ZBTB16: variants seen among roughly 807,000 people sequenced by gnomAD.
ZBTB16 encodes the protein zinc finger and BTB domain containing 16.
ZBTB16 carries 8 observed loss-of-function variants against 56.8 expected under a neutral mutation model. That is an observed-to-expected ratio of 0.14 (90% CI 0.08 to 0.25). The LOEUF is 0.25. Among genes scored for constraint, ZBTB16 ranks in the 10% least tolerant of loss-of-function variants. The pLI is 1.00. For synonymous variants in ZBTB16, 363 were observed against 368.5 expected, an observed-to-expected ratio of 0.98 and a Z score of 0.17; for missense variants, 625 against 903.0, an observed-to-expected ratio of 0.69 and a Z score of 3.95.
At chr11:114,138,891 A>G (rs1941870882) in intron 2 of ZBTB16, among the ~76,000 whole-genome samples, 2 of 152,016 alleles carry the variant, frequency 1.3e-5, no homozygotes, top group South Asian at 4.2e-4. Context: ...GGGTTTCACC[A>G]TGTTGGCCAG....
At position 114,063,633 on chromosome 11, in the gene ZBTB16, C is replaced by A. The variant is rs200027612; in HGVS notation, c.333C>A (p.Ile111=). 4 of 1,614,006 alleles carry A rather than the reference C, an allele frequency of 2.5e-6. No homozygotes were observed. The South Asian group carries it at 4.4e-5, about 18-fold the overall frequency. The part of the protein sequence containing the change: ...DLLYAAEILE[I]EYLEEQCLKM... ...TGTATGCGGCCGAGATCCTGGAGAT[C>A]GAGTACCTGGAGGAACAGTGCCTGA... is the stretch of plus-strand genomic sequence containing the variant. Residue 111 remains isoleucine, a synonymous_variant, in exon 2 of 7, where the codon ATC becomes ATA. Coordinates refer to ENST00000335953, the MANE Select transcript of ZBTB16 (RefSeq NM_006006.6). This position sits in a 1 kb window ranked among gnomAD's most constrained non-coding sequence, Gnocchi z 6.5.
chr11:114,121,958 C>T, intron 2 of ZBTB16: 1 of 390,310 alleles, frequency 2.6e-6, no homozygotes, highest in Non-Finnish European at 5.1e-6. Flanking sequence ...AAGACACTTC[C>T]TGAGTCCCAA....
rs1198148768 is a variant in ZBTB16 at position 114,233,081 on chromosome 11, G to GCACA, written c.1454-9044_1454-9041dup. On this transcript the variant is annotated intron_variant, in intron 4 of 6. Transcript: ENST00000335953. ...CACATACGCATGCGCGCGCGCGCGC[G>GCACA]CACACACACACACACACACACACAC... Among the ~76,000 whole-genome samples the GCACA allele has an allele frequency of 7.8e-3, 684 of 87,492 alleles. 13 individuals carry two copies. The highest frequency in any genetic ancestry group is 0.014 in the South Asian group (28 of 2,054). The allele number at this position is 87,492 out of a possible 152,430, so 57.4% of individuals were successfully genotyped here. A position where few individuals can be genotyped will look rare whatever the true frequency, so the allele number is the denominator to read the frequency against.
intron 2 of ZBTB16, among the ~76,000 whole-genome samples, chr11:114,066,850 A>G (rs1156630316): frequency 2.1e-5 from 3 of 140,772 alleles, no homozygotes; most frequent in Admixed American, 7.8e-5. Context: ...AGCTCACTGC[A>G]GTCTCCACCT....
chr11:114,210,162 AGTGT>A (rs139074973), intron 4 of ZBTB16, among the ~76,000 whole-genome samples: 29,950 of 134,620 alleles, frequency 0.22, 3,413 homozygotes, highest in South Asian at 0.31. Flanking sequence ...AGCCAAAGCT[AGTGT>A]GTGTGTGTGT....
chr11:114,206,614 G>A (rs75170139), intron 4 of ZBTB16, among the ~76,000 whole-genome samples: 1,816 of 152,328 alleles, frequency 0.012, 43 homozygotes, highest in African/African-American at 0.04. Context: ...CACTTTGCCT[G>A]CTAGCTGTGC....
intron 2 of ZBTB16, among the ~76,000 whole-genome samples, chr11:114,068,417 G>C (rs1384997432): frequency 2.0e-5 from 3 of 152,182 alleles, no homozygotes. Flanking sequence ...ATCAAACTTA[G>C]TGGAGTTGTA....
At chr11:114,246,342 A>G (rs1181815934) in intron 5 of ZBTB16, among the ~76,000 whole-genome samples, 3 of 152,094 alleles carry the variant, frequency 2.0e-5, no homozygotes, top group Admixed American at 6.6e-5. Context: ...CTGAATCCCA[A>G]CTCAGCTCCT....
chr11:114,184,529 C>A (rs1447163190), intron 3 of ZBTB16, among the ~76,000 whole-genome samples: 1 of 152,164 alleles, frequency 6.6e-6, no homozygotes, highest in Non-Finnish European at 1.5e-5. Context: ...CCCAGGGAGG[C>A]CGAAGGGTAC....
At chr11:114,188,082 A>T (rs543702735) in intron 4 of ZBTB16, 1 of 153,190 alleles carries the variant, frequency 6.5e-6, no homozygotes, top group East Asian at 1.9e-4. Context: ...TAATAGAAAT[A>T]AAGTACACAA....
At chr11:114,162,484 C>T (rs1302037218) in intron 3 of ZBTB16, among the ~76,000 whole-genome samples, 3 of 152,164 alleles carry the variant, frequency 2.0e-5, no homozygotes, top group African/African-American at 7.2e-5. Flanking sequence ...CATCTTGTCT[C>T]TCCTCCCATT....
intron 2 of ZBTB16, among the ~76,000 whole-genome samples, chr11:114,095,511 T>C (rs1940365936): frequency 1.3e-5 from 2 of 152,060 alleles, no homozygotes; most frequent in Non-Finnish European, 2.9e-5. Flanking sequence ...CCGCCCGCCT[T>C]GGCCTCCCAC....
At chr11:114,169,202 C>T (rs1036764747) in intron 3 of ZBTB16, among the ~76,000 whole-genome samples, 13 of 152,128 alleles carry the variant, frequency 8.5e-5, no homozygotes, top group African/African-American at 2.7e-4. Flanking sequence ...AAGGGGCAGC[C>T]GACCTGTGCT....
At chr11:114,077,758 C>A (rs913141530) in intron 2 of ZBTB16, among the ~76,000 whole-genome samples, 4 of 152,216 alleles carry the variant, frequency 2.6e-5, no homozygotes, top group Admixed American at 1.3e-4. Context: ...CCCAAGAGAA[C>A]CTTCTCCAGG....
chr11:114,088,912 TG>T (rs1940068808), intron 2 of ZBTB16, among the ~76,000 whole-genome samples: 1 of 152,164 alleles, frequency 6.6e-6, no homozygotes, highest in Non-Finnish European at 1.5e-5. Flanking sequence ...GGAGGTGGCC[TG>T]GGGGCCCCCC....
rs1944088319 is a variant in ZBTB16, at chr11:114,216,093, C to A, written c.1454-26074C>A. ...TTATCTTGAGTGAGAACAGGCCCTA[C>A]AGCTCTGAGCGAACCTTTCCATGGG... On this transcript the variant is annotated intron_variant, in intron 4 of 6. Coordinates refer to ENST00000335953, the MANE Select transcript of ZBTB16 (RefSeq NM_006006.6). 2.0e-5 allele frequency among the ~76,000 whole-genome samples: 3 copies of A among 152,334 alleles called. No homozygotes were observed. The South Asian group carries it at 6.2e-4, about 32-fold the overall frequency.
Position 114,063,298 on chromosome 11 carries a change from A to C in ZBTB16, c.-3A>C. ...GCCTCATGCCTGAGCCGAGGGGAGCACCATGGATCTGACAAAAATGGGCAT... is the reference window on the plus strand; with the variant it reads ...GCCTCATGCCTGAGCCGAGGGGAGCCCCATGGATCTGACAAAAATGGGCAT... On this transcript the variant is annotated 5_prime_UTR_variant, in exon 2 of 7. Transcript: ENST00000335953. The surrounding 1 kb of genome is among the most constrained non-coding windows in gnomAD (Gnocchi z 6.5). 1 of 1,613,744 alleles carries C rather than the reference A, an allele frequency of 6.2e-7. No individual in the cohort carries two copies. The highest frequency in any genetic ancestry group is 1.1e-5 in the South Asian group (1 of 91,052).
intron 4 of ZBTB16, among the ~76,000 whole-genome samples, chr11:114,207,437 A>C (rs1172027125): frequency 6.6e-6 from 1 of 152,100 alleles, no homozygotes; most frequent in Non-Finnish European, 1.5e-5. Flanking sequence ...CCTCACAATC[A>C]GAGTCACAGG....
At chr11:114,159,445 C>A (rs1222727401) in intron 3 of ZBTB16, among the ~76,000 whole-genome samples, 2 of 152,234 alleles carry the variant, frequency 1.3e-5, no homozygotes, top group Non-Finnish European at 2.9e-5. Context: ...TTCACCCTTG[C>A]AGATAGCTCA....
Sources: gnomAD v4.1 joint callset for allele counts (sites outside exome capture counted in the v4.1 genomes callset) on GRCh38, gnomAD v4.1.1 for gene constraint, Gnocchi (gnomAD v3.1) non-coding constraint, MANE v1.5 for transcripts, NCBI Gene and HGNC (gene_info 2026-07-23, HGNC 2026-07-21) for gene names.